ELOVL6: variants seen among roughly 807,000 people sequenced by gnomAD.
The protein encoded by ELOVL6 is very long chain fatty acid elongase 6.
In ELOVL6, 8 loss-of-function variants were observed where a neutral mutation model predicts 31.7. That is an observed-to-expected ratio of 0.25 (90% CI 0.15 to 0.45). The LOEUF is 0.45. Ranked by LOEUF, ELOVL6 falls within the 20% of genes least tolerant of loss-of-function variation. ELOVL6 has a pLI of 1.00. For missense variants in ELOVL6, 126 were observed against 326.4 expected, an observed-to-expected ratio of 0.39 and a Z score of 4.73; for synonymous variants, 101 against 117.7, an observed-to-expected ratio of 0.86 and a Z score of 0.92.
At chr4:110,183,315 T>C (rs1285920726) in intron 1 of ELOVL6, among the ~76,000 whole-genome samples, 1 of 152,198 alleles carries the variant, frequency 6.6e-6, no homozygotes, top group East Asian at 1.9e-4. Context: ...CAGAAAATAT[T>C]TGAACCCAGC....
chr4:110,054,303 A>C (rs1441489622), intron 3 of ELOVL6, among the ~76,000 whole-genome samples: 1 of 152,200 alleles, frequency 6.6e-6, no homozygotes, highest in African/African-American at 2.4e-5. Flanking sequence ...AACTGGTGTC[A>C]GGAGACCCGG....
chr4:110,141,840 AAC>A (rs1295053981), intron 1 of ELOVL6, among the ~76,000 whole-genome samples: 1 of 121,656 alleles, frequency 8.2e-6, no homozygotes, highest in African/African-American at 3.1e-5. Flanking sequence ...TATATACACT[AAC>A]ACAATACAAT....
In ELOVL6 at chr4:110,073,228, A is replaced by G. The variant is rs188695387; in HGVS notation, c.222-13474T>C. Among the ~76,000 whole-genome samples, 615 of 152,322 alleles carry G rather than the reference A, an allele frequency of 4.0e-3. 3 individuals carry two copies. Among genetic ancestry groups the G allele is most frequent in the Non-Finnish European group, 7.4e-3 (504 of 68,038 alleles). Reference sequence around the variant, plus strand: ...GTGCCGCCAAGCTCATAGGGCTGATAGCGGGCACACACTGGACTGCTGCCT... The same window carrying G: ...GTGCCGCCAAGCTCATAGGGCTGATGGCGGGCACACACTGGACTGCTGCCT... On this transcript the variant is annotated intron_variant, in intron 2 of 3. Coordinates refer to ENST00000302274, the MANE Select transcript of ELOVL6 (RefSeq NM_024090.3).
At position 110,083,681 on chromosome 4, in the gene ELOVL6, A is replaced by T. The variant is rs1755956495; in HGVS notation, c.221+21816T>A. Among the ~76,000 whole-genome samples, 3 of 151,676 alleles carry T rather than the reference A, an allele frequency of 2.0e-5. No homozygotes were observed. The South Asian group carries it at 6.2e-4, about 31-fold the overall frequency. On this transcript the variant is annotated intron_variant, in intron 2 of 3. Transcript: ENST00000302274. ...GTGAAAGGACTGTAGTAATTACTAC[A>T]TTAATATAAATGTTAAAATATTCAT...
intron 1 of ELOVL6, among the ~76,000 whole-genome samples, chr4:110,152,279 T>C (rs542058255): frequency 6.6e-6 from 1 of 152,320 alleles, no homozygotes; most frequent in South Asian, 2.1e-4. Flanking sequence ...ATTAACTAAA[T>C]ACACGATCAG....
chr4:110,077,199 T>A (rs1191846188), intron 2 of ELOVL6, among the ~76,000 whole-genome samples: 1 of 152,228 alleles, frequency 6.6e-6, no homozygotes, highest in Non-Finnish European at 1.5e-5. Flanking sequence ...CAGAATCCTC[T>A]GCAGACTTAA....
At chr4:110,141,356 C>T (rs771118687) in intron 1 of ELOVL6, among the ~76,000 whole-genome samples, 3 of 152,132 alleles carry the variant, frequency 2.0e-5, no homozygotes, top group Non-Finnish European at 2.9e-5. Context: ...AGCCACCGTG[C>T]CCGGCTGGAG....
chr4:110,192,489 T>A (rs1690865001), intron 1 of ELOVL6, among the ~76,000 whole-genome samples: 1 of 152,142 alleles, frequency 6.6e-6, no homozygotes, highest in Admixed American at 6.5e-5. Context: ...CAACAGGCAA[T>A]CCTCTGAAGA....
intron 1 of ELOVL6, among the ~76,000 whole-genome samples, chr4:110,110,842 T>C (rs929475596): frequency 1.3e-5 from 2 of 152,074 alleles, no homozygotes; most frequent in African/African-American, 4.8e-5. Context: ...AAGGTAAAGG[T>C]TCCTTATTCT....
chr4:110,120,540 CAA>C (rs1011947006), intron 1 of ELOVL6, among the ~76,000 whole-genome samples: 2 of 152,124 alleles, frequency 1.3e-5, no homozygotes, highest in Non-Finnish European at 2.9e-5. Flanking sequence ...CCATTATACA[CAA>C]ACAGTTGGGT....
intron 2 of ELOVL6, among the ~76,000 whole-genome samples, chr4:110,069,244 A>G (rs1578451941): frequency 6.6e-6 from 1 of 151,864 alleles, no homozygotes; most frequent in Non-Finnish European, 1.5e-5. Context: ...TATAGAATTT[A>G]TAACATTTTG....
chr4:110,109,917 C>A (rs927154391), intron 1 of ELOVL6, among the ~76,000 whole-genome samples: 1 of 152,144 alleles, frequency 6.6e-6, no homozygotes, highest in Non-Finnish European at 1.5e-5. Flanking sequence ...CTACTGTACA[C>A]ATGTGAGGTA....
At chr4:110,158,643 ATATATATATATATATTTT>A (rs1306765018) in intron 1 of ELOVL6, among the ~76,000 whole-genome samples, 1 of 94,420 alleles carries the variant, frequency 1.1e-5, no homozygotes, top group African/African-American at 6.1e-5. Context: ...GTGTATATAT[ATATATATATATATATTTT>A]TTTTTTTTTT....
chr4:110,120,784 C>CT (rs1036320569), intron 1 of ELOVL6, among the ~76,000 whole-genome samples: 10 of 139,506 alleles, frequency 7.2e-5, no homozygotes, highest in Admixed American at 5.9e-4. Context: ...TGGTTCTTTT[C>CT]TTTTTTTTCT....
intron 2 of ELOVL6, among the ~76,000 whole-genome samples, chr4:110,095,623 C>T (rs1235605338): frequency 2.6e-5 from 4 of 151,980 alleles, no homozygotes; most frequent in Non-Finnish European, 4.4e-5. Flanking sequence ...CAAGATTGTA[C>T]ATTTTTATGG....
At chr4:110,175,217 T>C (rs1759066603) in intron 1 of ELOVL6, among the ~76,000 whole-genome samples, 1 of 151,902 alleles carries the variant, frequency 6.6e-6, no homozygotes, top group Non-Finnish European at 1.5e-5. Context: ...ACACTGTCTC[T>C]ACAAAAAATA....
intron 2 of ELOVL6, among the ~76,000 whole-genome samples, chr4:110,094,426 TA>T (rs1560820602): frequency 1.6e-5 from 1 of 61,222 alleles, no homozygotes; most frequent in African/African-American, 6.5e-5. Context: ...TATATATATA[TA>T]TATATATATA....
chr4:110,077,614 G>C (rs578031175), intron 2 of ELOVL6, among the ~76,000 whole-genome samples: 5 of 152,196 alleles, frequency 3.3e-5, no homozygotes, highest in Non-Finnish European at 5.9e-5. Context: ...AAGACCAAAG[G>C]TAGATAAAAC....
At chr4:110,176,585 G>A (rs556476904) in intron 1 of ELOVL6, among the ~76,000 whole-genome samples, 8 of 152,266 alleles carry the variant, frequency 5.3e-5, no homozygotes, top group Admixed American at 3.9e-4. Context: ...TTGTGCTAGC[G>A]TGGTCAAAGA....
Sources: allele counts gnomAD v4.1 joint callset (sites outside exome capture counted in the v4.1 genomes callset), GRCh38; gene constraint gnomAD v4.1.1; transcripts MANE v1.5; gene names NCBI Gene and HGNC (gene_info 2026-07-23, HGNC 2026-07-21).